MYOM3: variants seen among roughly 807,000 people sequenced by gnomAD.
MYOM3 encodes myomesin 3.
MYOM3 carries 155 observed loss-of-function variants against 191.7 expected under a neutral mutation model. The ratio of observed to expected loss-of-function variants is 0.81; its 90% CI spans 0.71 to 0.92. The LOEUF (loss-of-function observed/expected upper bound fraction) is 0.92, where lower values mean the gene tolerates loss of function less well. Among genes scored for constraint, MYOM3 ranks in the 40% least tolerant of loss-of-function variants. MYOM3 has a pLI of 0.00. For missense variants in MYOM3, 1,889 were observed against 1,890.6 expected (o/e 1.00, Z 0.02); for synonymous variants, 757 against 762.9 (o/e 0.99, Z 0.13).
intron 20 of MYOM3, among the ~76,000 whole-genome samples, chr1:24,076,552 C>T (rs1239903797): frequency 4.3e-5 from 2 of 46,688 alleles, no homozygotes; most frequent in South Asian, 4.9e-4. Flanking sequence ...CTCGCTCTGT[C>T]GCCCAGGCTG....
At chr1:24,076,312 G>C in intron 20 of MYOM3, 39 bp from the exon 21 acceptor site, 1 of 1,496,672 alleles carries the variant, frequency 6.7e-7, no homozygotes, top group East Asian at 2.3e-5. Flanking sequence ...GAGGACAGCA[G>C]TGACTCTTCC....
At position 24,071,269 on chromosome 1, in the gene MYOM3, C is replaced by A. The variant is rs775375147; in HGVS notation, c.3014-16G>T. On this transcript the variant is annotated splice_polypyrimidine_tract_variant and intron_variant, in intron 24 of 36. Coordinates refer to ENST00000374434, the MANE Select transcript of MYOM3 (RefSeq NM_152372.4). ...AGTTTGATCACTGGGAGGCGCAGGACGGGAAGGGGGTGGGTTGGACCCCTT... is the reference window on the plus strand; with the variant it reads ...AGTTTGATCACTGGGAGGCGCAGGAAGGGAAGGGGGTGGGTTGGACCCCTT... The A allele has an allele frequency of 6.2e-7, 1 of 1,604,692 alleles. No homozygotes were observed. The highest frequency in any genetic ancestry group is 8.5e-7 in the Non-Finnish European group (1 of 1,175,446).
chr1:24,066,442 C>T, intron 28 of MYOM3: 2 of 577,852 alleles, frequency 3.5e-6, no homozygotes, highest in Non-Finnish European at 6.1e-6. Context: ...TCTGAGTTTA[C>T]TGAATGAATA....
At chr1:24,064,423 C>A (rs907085509) in intron 29 of MYOM3, 4 of 462,774 alleles carry the variant, frequency 8.6e-6, no homozygotes, top group Non-Finnish European at 1.6e-5. Context: ...GAGGACAGAA[C>A]CAGACACCTT....
At chr1:24,089,209 A>G (rs535017536) in intron 14 of MYOM3, among the ~76,000 whole-genome samples, 3 of 152,116 alleles carry the variant, frequency 2.0e-5, no homozygotes, top group African/African-American at 4.8e-5. Context: ...CTTGGCCCCA[A>G]TGTGTGGTCT....
rs1643479806 is a variant in MYOM3 at position 24,068,336 on chromosome 1, C to A, written c.3182G>T (p.Gly1061Val). 2 of 1,614,082 alleles carry A rather than the reference C, an allele frequency of 1.2e-6. No homozygotes were observed. Among genetic ancestry groups the A allele is most frequent in the Middle Eastern group, 3.3e-4 (2 of 6,062 alleles). Residue 1061 changes from glycine (G) to valine (V), a missense_variant, in exon 26 of 37, where the codon GGC becomes GTC. By Grantham distance (109) the Gly-to-Val change is moderately radical. Coordinates refer to ENST00000374434, the MANE Select transcript of MYOM3 (RefSeq NM_152372.4). Reference sequence around the variant, plus strand: ...GTTCTGGATGATCACTTCCACCAGGCCCTTCTCTCGGTCAAAATTGATTTT... The same window carrying A: ...GTTCTGGATGATCACTTCCACCAGGACCTTCTCTCGGTCAAAATTGATTTT... ...NRKINFDREK[G>V]LVEVIIQNLS...
chr1:24,076,180 C>T lies in MYOM3; in HGVS notation c.2680G>A (p.Val894Met), dbSNP rs143415979. Residue 894 changes from valine to methionine, a missense_variant, in exon 21 of 37, where the codon GTG (valine) becomes ATG (methionine). By Grantham distance (21) the Val-to-Met change is conservative (BLOSUM62 1). Coordinates refer to ENST00000374434, the MANE Select transcript of MYOM3 (RefSeq NM_152372.4). ...CTACCTGGCTTGTCCTCCAGGAGCA[C>T]GGGATCAGTGGGCATGGACGGTTGC... ...LGQPSMPTDP[V>M]LLEDKPGAHE... The T allele has an allele frequency of 8.0e-5, 129 of 1,614,102 alleles. No individual in the cohort carries two copies. The African/African-American group carries it at 9.9e-4, about 12-fold the overall frequency.
intron 20 of MYOM3, among the ~76,000 whole-genome samples, chr1:24,076,958 A>T (rs1643608855): frequency 6.6e-6 from 1 of 152,112 alleles, no homozygotes; most frequent in African/African-American, 2.4e-5. Context: ...AGTAGCTGGT[A>T]CTACAGGCAC....
intron 32 of MYOM3, among the ~76,000 whole-genome samples, chr1:24,062,505 T>C (rs549867633): frequency 6.6e-6 from 1 of 152,106 alleles, no homozygotes; most frequent in Non-Finnish European, 1.5e-5. Context: ...ATAGAGTGGG[T>C]GCAGTAATGT....
intron 21 of MYOM3, 137 bp from the exon 22 acceptor site, chr1:24,075,612 C>A: frequency 1.1e-6 from 1 of 896,630 alleles, no homozygotes; most frequent in Non-Finnish European, 1.6e-6. Context: ...GCTGCCAAGG[C>A]CTTGCAGGAT....
rs1643810122 is a variant in MYOM3, at chr1:24,090,836, C to T, written c.1393G>A (p.Val465Ile). 2.5e-6 allele frequency: 4 copies of T among 1,614,058 alleles called. No homozygotes were observed. Among genetic ancestry groups the T allele is most frequent in the Non-Finnish European group, 3.4e-6 (4 of 1,180,034 alleles). Reference sequence around the variant, plus strand: ...GCTGCATCATGGTCACCCATGACAACCAACTCTGAGGCCTTGGAGGGGACG... The same window carrying T: ...GCTGCATCATGGTCACCCATGACAATCAACTCTGAGGCCTTGGAGGGGACG... ...SSVPSKASEL[V>I]VMGDHDAARR... Residue 465 changes from valine to isoleucine, a missense_variant, in exon 12 of 37, where the codon GTT becomes ATT. Physicochemically the swap from Val to Ile is conservative, Grantham distance 29 (BLOSUM62 3). Transcript: ENST00000374434.
At chr1:24,066,600 T>G in intron 28 of MYOM3, 1 of 353,918 alleles carries the variant, frequency 2.8e-6, no homozygotes, top group Non-Finnish European at 5.1e-6. Context: ...TATTTCTCCA[T>G]TTGTTTTCTC....
rs1643304177 is a variant in MYOM3 at position 24,056,594 on chromosome 1, C to T, written c.*770G>A. On this transcript the variant is annotated 3_prime_UTR_variant, in exon 37 of 37. Transcript: ENST00000374434. ...ATGTTGGCCAGGCTGGTCTAAAACT[C>T]CTGACCTCAGGTGATCTGCCCGCCT... The T allele has an allele frequency of 6.6e-6, 1 of 152,230 alleles. No homozygotes were observed. Among genetic ancestry groups the T allele is most frequent in the African/African-American group, 2.4e-5 (1 of 41,444 alleles). The allele number at this position is 152,230 out of a possible 1,614,324, so 9.4% of individuals were successfully genotyped here.
chr1:24,089,476 A>G, intron 14 of MYOM3, 62 bp downstream of exon 14: 1 of 1,524,258 alleles, frequency 6.6e-7, no homozygotes, highest in Non-Finnish European at 8.8e-7. Flanking sequence ...GACACTGCCC[A>G]GGGTCCCACA....
chr1:24,083,392 G>C (rs1234226268), intron 16 of MYOM3: 1 of 152,444 alleles, frequency 6.6e-6, no homozygotes, highest in African/African-American at 2.4e-5. Context: ...GGTTTGCCAG[G>C]AGCTCTCAGG....
In MYOM3 at chr1:24,077,762, G is replaced by A. The variant is rs534921675; in HGVS notation, c.2587-1489C>T. On this transcript the variant is annotated intron_variant, in intron 20 of 36. Transcript: ENST00000374434. ...ATGTTTAGCCGGTGGCTGACTGACC[G>A]AATGGCGGCCAACTGTCCACATGCA... Among the ~76,000 whole-genome samples, 16 of 152,296 alleles carry A rather than the reference G, an allele frequency of 1.1e-4. No homozygotes were observed. The South Asian group carries it at 1.9e-3, about 18-fold the overall frequency.
In MYOM3 at chr1:24,064,097, G is replaced by A. The variant is rs770655708; in HGVS notation, c.3597C>T (p.Asp1199=). Reference sequence around the variant, plus strand: ...CGTCACCCGTGAGGTCCAATATGGTGTCGTCCTCCCCTCGATCGTCAGAAA... The same window carrying A: ...CGTCACCCGTGAGGTCCAATATGGTATCGTCCTCCCCTCGATCGTCAGAAA... ...AMVSDDRGED[D]TILDLTGDAL... is the part of the protein sequence containing the mutation. The change falls in exon 30 of 37, where the codon GAC becomes GAT. Residue 1199 remains aspartate, a synonymous_variant. Transcript: ENST00000374434. The A allele has an allele frequency of 1.9e-6, 3 of 1,614,032 alleles. No individual in the cohort carries two copies. Among genetic ancestry groups the A allele is most frequent in the South Asian group, 2.2e-5 (2 of 91,076 alleles).
chr1:24,104,512 G>C (rs1643966361), intron 5 of MYOM3, among the ~76,000 whole-genome samples: 1 of 152,056 alleles, frequency 6.6e-6, no homozygotes, highest in African/African-American at 2.4e-5. Flanking sequence ...GTCCTGTTCT[G>C]TCACCCAGGC....
Position 24,067,824 on chromosome 1 carries a change from T to G in MYOM3, c.3355+146A>C, listed in dbSNP as rs1272888441. 3 of 799,674 alleles carry G rather than the reference T, an allele frequency of 3.8e-6. No homozygotes were observed. The African/African-American group carries it at 5.1e-5, about 14-fold the overall frequency. The allele number at this position is 799,674 out of a possible 1,614,324, so 49.5% of individuals were successfully genotyped here. ...TCAGGTCAGGCAAGAGCTATTTTGA[T>G]CTGGCACTGGGACAGAACTGGACTG... On this transcript the variant is annotated intron_variant, in intron 27 of 36. Coordinates refer to ENST00000374434, the MANE Select transcript of MYOM3 (RefSeq NM_152372.4).
Sources: allele counts gnomAD v4.1 joint callset (sites outside exome capture counted in the v4.1 genomes callset), GRCh38; gene constraint gnomAD v4.1.1; transcripts MANE v1.5; gene names NCBI Gene and HGNC (gene_info 2026-07-23, HGNC 2026-07-21).